TMEM247: variants seen among roughly 807,000 people sequenced by gnomAD.
TMEM247 encodes transmembrane protein 247.
A neutral mutation model predicts 20.7 loss-of-function variants in TMEM247; 23 were observed. The observed-to-expected ratio is 1.11, with a 90% confidence interval of 0.80 to 1.57. The LOEUF (loss-of-function observed/expected upper bound fraction) is 1.57. Ranked by LOEUF, TMEM247 falls within the 40% of genes most tolerant of loss-of-function variation. The probability of loss-of-function intolerance (pLI) is 0.00; values close to 1 mark genes in which losing one functional copy is unlikely to be tolerated. For missense variants in TMEM247, 354 were observed against 283.8 expected (o/e 1.25, Z -1.78); for synonymous variants, 106 against 111.9 (o/e 0.95, Z 0.33).
Position 46,480,769 on chromosome 2 carries a change from G to T in TMEM247, c.477+5G>T. ...CAAGAGGCGGCGCCCCGCCTGGTGG[G>T]TGACAAGGAACGGGGCACTGGGAGG... On this transcript the variant is annotated splice_donor_5th_base_variant and intron_variant, in intron 2 of 2. Coordinates refer to ENST00000434431, the Ensembl canonical transcript of TMEM247. 6.0e-6 allele frequency: 7 copies of T among 1,170,610 alleles called. No homozygotes were observed. The highest frequency in any genetic ancestry group is 6.4e-6 in the Non-Finnish European group (6 of 933,660). The allele number at this position is 1,170,610 out of a possible 1,614,324, so 72.5% of individuals were successfully genotyped here.
At chr2:46,483,255 G>T (rs185332582) in intron 2 of TMEM247, among the ~76,000 whole-genome samples, 70 of 152,278 alleles carry the variant, frequency 4.6e-4, no homozygotes, top group African/African-American at 1.6e-3. Flanking sequence ...AATGAAGACT[G>T]TTGGGCCCCA....
chr2:46,479,571 G>C, exon 1 of TMEM247: 1 of 1,549,408 alleles, frequency 6.5e-7, no homozygotes, highest in South Asian at 1.2e-5. Context: ...ACCTGGCAGC[G>C]TTCTGGTTTT....
exon 3 of TMEM247, chr2:46,484,319 C>T (rs1251248560): frequency 6.4e-7 from 1 of 1,552,344 alleles, no homozygotes; most frequent in African/African-American, 1.4e-5. Flanking sequence ...CATCTTCATT[C>T]ACATCATCTA....
chr2:46,480,552 C>A, exon 2 of TMEM247: 1 of 1,551,780 alleles, frequency 6.4e-7, no homozygotes, highest in Non-Finnish European at 8.7e-7. Context: ...CGGACCCAAA[C>A]CCGCAGAGCT....
At chr2:46,480,747 G>C in exon 2 of TMEM247, 1 of 1,537,480 alleles carries the variant, frequency 6.5e-7, no homozygotes, top group Non-Finnish European at 8.8e-7. Context: ...GCTGCAGCAA[G>C]AGGCGGCGCC....
intron 2 of TMEM247, among the ~76,000 whole-genome samples, chr2:46,483,033 C>G (rs538171118): frequency 8.7e-4 from 132 of 152,224 alleles, no homozygotes; most frequent in African/African-American, 3.1e-3. Flanking sequence ...GATGGACGGA[C>G]AGAGAGAGTG....
At chr2:46,484,332 T>C (rs1019193260) in exon 3 of TMEM247, 1 of 1,552,314 alleles carries the variant, frequency 6.4e-7, no homozygotes. Context: ...ATCATCTATG[T>C]CACCAAGGAG....
rs543062336 is a variant in TMEM247, at chr2:46,479,992, C to CA, written c.117+293dup. On this transcript the variant is annotated intron_variant, in intron 1 of 2. Transcript: ENST00000434431. The stretch of plus-strand genomic sequence containing the variant: ...CCACCATAGCCCTCTTCCTGGTCCC[C>CA]AAATATTTAGGTTCTCTCAATTCAG... 8.0e-3 allele frequency among the ~76,000 whole-genome samples: 1,218 copies of CA among 152,210 alleles called. 8 individuals carry two copies. Among genetic ancestry groups the CA allele is most frequent in the Non-Finnish European group, 0.014 (940 of 68,008 alleles).
chr2:46,481,058 C>A (rs1045470444), intron 2 of TMEM247, among the ~76,000 whole-genome samples: 1 of 152,120 alleles, frequency 6.6e-6, no homozygotes, highest in Non-Finnish European at 1.5e-5. Context: ...GAGCTGAGGC[C>A]GGGAGGGTCC....
chr2:46,480,671 G>GAGGCAGCA lies in TMEM247; in HGVS notation c.384_385insAGGCAGCA (p.Glu132GlyfsTer6). On this transcript the variant is annotated frameshift_variant, in exon 2 of 3. Coordinates refer to ENST00000434431, the Ensembl canonical transcript of TMEM247. LOFTEE classifies it high-confidence loss of function. The stretch of plus-strand genomic sequence containing the variant: ...ACCTGCATGAGAAGAACCAGCGGCA[G>GAGGCAGCA]CGGCAGCACGAGGTGGTGATGGAGC... The GAGGCAGCA allele has an allele frequency of 1.3e-6, 2 of 1,550,902 alleles. No individual in the cohort carries two copies. Among genetic ancestry groups the GAGGCAGCA allele is most frequent in the East Asian group, 4.9e-5 (2 of 40,910 alleles).
At chr2:46,480,033 C>T (rs906027444) in intron 1 of TMEM247, among the ~76,000 whole-genome samples, 1 of 152,174 alleles carries the variant, frequency 6.6e-6, no homozygotes, top group Non-Finnish European at 1.5e-5. Context: ...GGGTTTCTTT[C>T]TCCCTCTGTA....
chr2:46,483,705 T>G (rs1686934089), intron 2 of TMEM247, among the ~76,000 whole-genome samples: 1 of 152,156 alleles, frequency 6.6e-6, no homozygotes. Flanking sequence ...GCTCAAAAAG[T>G]AAAAAATGAT....
At position 46,480,531 on chromosome 2, in the gene TMEM247, C is replaced by T. The variant is rs60236492; in HGVS notation, c.244C>T (p.Gln82Ter). 3,319 of 1,551,766 alleles carry T rather than the reference C, an allele frequency of 2.1e-3. 73 individuals are homozygous for T. The East Asian group carries it at 0.058, about 27-fold the overall frequency. The stretch of plus-strand genomic sequence containing the variant: ...CAAGTCCTGCCGTGCTACCAAAGGC[C>T]AGGCTGGCGACGGACCCAAACCCGC... Residue 82 changes from glutamine (Q) to a stop codon, truncating the protein, a stop_gained, in exon 2 of 3, where the codon CAG becomes TAG. Coordinates refer to ENST00000434431, the Ensembl canonical transcript of TMEM247. LOFTEE classifies it high-confidence loss of function.
chr2:46,480,368 T>C, intron 1 of TMEM247, 37 bp from the exon 2 acceptor site: 1 of 1,501,402 alleles, frequency 6.7e-7, no homozygotes, highest in Non-Finnish European at 8.9e-7. Context: ...ATCCTGACTC[T>C]TCAAGGTACC....
chr2:46,484,138 T>C lies in TMEM247; in HGVS notation c.478-106T>C, dbSNP rs528054405. Reference sequence around the variant, plus strand: ...CTATTACCCTTTCTTTAGGTGAAGATGATGACTTGAGGTCACATACAGGCA... The same window carrying C: ...CTATTACCCTTTCTTTAGGTGAAGACGATGACTTGAGGTCACATACAGGCA... On this transcript the variant is annotated intron_variant, in intron 2 of 2. Coordinates refer to ENST00000434431, the Ensembl canonical transcript of TMEM247. 13 of 996,422 alleles carry C rather than the reference T, an allele frequency of 1.3e-5. No homozygotes were observed. In the African/African-American group the frequency reaches 2.1e-4, roughly 16 times the overall value. 61.7% of individuals were successfully genotyped at this position (996,422 alleles called of 1,614,324 possible). A position where few individuals can be genotyped will look rare whatever the true frequency, so the allele number is the denominator to read the frequency against.
At position 46,484,235 on chromosome 2, in the gene TMEM247, C is replaced by T. The variant is rs1228052773; in HGVS notation, c.478-9C>T. On this transcript the variant is annotated splice_polypyrimidine_tract_variant and intron_variant, in intron 2 of 2. Coordinates refer to ENST00000434431, the Ensembl canonical transcript of TMEM247. ...CATCATCATCTCCACTGTCTTCTCTCCCCCACAGTTTTCAGGAGGCCTCCA... is the reference window on the plus strand; with the variant it reads ...CATCATCATCTCCACTGTCTTCTCTTCCCCACAGTTTTCAGGAGGCCTCCA... 4 of 1,546,736 alleles carry T rather than the reference C, an allele frequency of 2.6e-6. No homozygotes were observed. Among genetic ancestry groups the T allele is most frequent in the Non-Finnish European group, 3.5e-6 (4 of 1,144,424 alleles).
At chr2:46,479,685 A>C (rs1251227736) in exon 1 of TMEM247, 2 of 1,551,522 alleles carry the variant, frequency 1.3e-6, no homozygotes, top group South Asian at 1.2e-5. Context: ...GTCTGAAGGG[A>C]AGCCAAGGGC....
intron 2 of TMEM247, among the ~76,000 whole-genome samples, chr2:46,483,862 A>G (rs1558644506): frequency 6.6e-6 from 1 of 152,194 alleles, no homozygotes; most frequent in Non-Finnish European, 1.5e-5. Context: ...AGCATAGCTC[A>G]CCATAACCCC....
Position 46,480,402 on chromosome 2 carries a change from C to T in TMEM247, c.118-3C>T. The T allele has an allele frequency of 1.3e-6, 2 of 1,538,780 alleles. No individual in the cohort carries two copies. Among genetic ancestry groups the T allele is most frequent in the South Asian group, 1.2e-5 (1 of 83,230 alleles). The stretch of plus-strand genomic sequence containing the variant: ...CCTCCCCTCCCTGCTTCCCCTACGC[C>T]AGGAGGCAGAGTCCCAGAAGCCAGA... On this transcript the variant is annotated splice_polypyrimidine_tract_variant and splice_region_variant and intron_variant, in intron 1 of 2. Coordinates refer to ENST00000434431, the Ensembl canonical transcript of TMEM247.
Sources: allele counts gnomAD v4.1 joint callset (sites outside exome capture counted in the v4.1 genomes callset), GRCh38; gene constraint gnomAD v4.1.1; transcripts MANE v1.5; gene names NCBI Gene and HGNC (gene_info 2026-07-23, HGNC 2026-07-21).